AGBL1: variants seen among roughly 807,000 people sequenced by gnomAD.
AGBL1 encodes the protein AGBL carboxypeptidase 1.
Under a neutral mutation model 118.9 loss-of-function variants are expected in AGBL1, and 130 were observed. That is an observed-to-expected ratio of 1.09 (90% CI 0.95 to 1.26). The LOEUF is 1.26. AGBL1 is among the 50% of genes most tolerant of loss of function. The pLI is 0.00. For synonymous variants in AGBL1, 555 were observed against 478.9 expected, an observed-to-expected ratio of 1.16 and a Z score of -2.08; for missense variants, 1,584 against 1,298.1, an observed-to-expected ratio of 1.22 and a Z score of -3.38.
chr15:86,254,636 C>T (rs1466897222), intron 7 of AGBL1, among the ~76,000 whole-genome samples: 2 of 152,178 alleles, frequency 1.3e-5, no homozygotes, highest in African/African-American at 4.8e-5. Flanking sequence ...TCTCACCTTT[C>T]CCTCCAATTC....
chr15:86,941,595 T>A (rs544660358), intron 23 of AGBL1, among the ~76,000 whole-genome samples: 72 of 152,274 alleles, frequency 4.7e-4, no homozygotes, highest in Non-Finnish European at 7.5e-4. Flanking sequence ...TATATAGAGA[T>A]AATATACGTA....
intron 17 of AGBL1, among the ~76,000 whole-genome samples, chr15:86,321,656 A>C (rs926411699): frequency 6.6e-6 from 1 of 152,046 alleles, no homozygotes; most frequent in Non-Finnish European, 1.5e-5. Flanking sequence ...GGATGCCTGT[A>C]ATCCCAGATA....
At chr15:86,081,362 A>T in intron 1 of AGBL1, among the ~76,000 whole-genome samples, 1 of 152,252 alleles carries the variant, frequency 6.6e-6, no homozygotes, top group South Asian at 2.1e-4. Context: ...ATTCTTAAGA[A>T]GATTTGTATT....
At chr15:86,373,785 C>A (rs2141948238) in intron 17 of AGBL1, among the ~76,000 whole-genome samples, 1 of 152,344 alleles carries the variant, frequency 6.6e-6, no homozygotes, top group Middle Eastern at 3.4e-3. Flanking sequence ...GTGCTATTTA[C>A]AAGGAGTTTC....
At chr15:86,623,511 TTC>T (rs1256630760) in intron 21 of AGBL1, among the ~76,000 whole-genome samples, 1 of 152,222 alleles carries the variant, frequency 6.6e-6, no homozygotes, top group Non-Finnish European at 1.5e-5. Context: ...TCTACTGCCA[TTC>T]TCTTTGTTCA....
intron 1 of AGBL1, among the ~76,000 whole-genome samples, chr15:86,124,345 AAAC>A (rs1359023345): frequency 6.6e-4 from 100 of 151,456 alleles, no homozygotes; most frequent in African/African-American, 2.3e-3. Flanking sequence ...AAAAAAAAAA[AAAC>A]AAAGAAAACC....
chr15:86,153,777 A>T (rs1269685246), intron 3 of AGBL1, among the ~76,000 whole-genome samples: 1 of 152,204 alleles, frequency 6.6e-6, no homozygotes, highest in East Asian at 1.9e-4. Context: ...CCTAAAACTT[A>T]GTTCTAACCA....
upstream of AGBL1, chr15:86,079,780 G>C (rs183603058): frequency 2.5e-4 from 99 of 391,934 alleles, 1 homozygote; most frequent in Middle Eastern, 1.3e-3. Flanking sequence ...CCCACAGTGG[G>C]AGTCGGTGGG....
chr15:86,270,806 A>C (rs2079148103), intron 14 of AGBL1, among the ~76,000 whole-genome samples: 1 of 152,206 alleles, frequency 6.6e-6, no homozygotes, highest in South Asian at 2.1e-4. Flanking sequence ...AAAACAAGAC[A>C]AATCTGTTCT....
intron 22 of AGBL1, among the ~76,000 whole-genome samples, chr15:86,779,580 C>T (rs971157113): frequency 1.3e-5 from 2 of 152,018 alleles, no homozygotes; most frequent in Non-Finnish European, 2.9e-5. Flanking sequence ...TAAGTGTGGG[C>T]TTAATGAGTC....
intron 18 of AGBL1, among the ~76,000 whole-genome samples, chr15:86,500,660 T>G (rs1483247281): frequency 3.3e-5 from 5 of 151,726 alleles, no homozygotes; most frequent in African/African-American, 4.8e-5. Context: ...CCTGTTTTCC[T>G]CTCCTCTCAG....
chr15:86,219,880 A>G (rs1344442699), intron 5 of AGBL1, among the ~76,000 whole-genome samples: 1 of 150,986 alleles, frequency 6.6e-6, no homozygotes, highest in African/African-American at 2.4e-5. Context: ...TTAAAAGTAG[A>G]GAGAAGACTT....
intron 21 of AGBL1, among the ~76,000 whole-genome samples, chr15:86,592,306 C>A (rs1458603525): frequency 6.6e-6 from 1 of 152,142 alleles, no homozygotes; most frequent in Non-Finnish European, 1.5e-5. Context: ...CAGAAAAAAA[C>A]GAATTCAGCC....
chr15:86,994,556 A>T (rs1204814936), intron 24 of AGBL1, among the ~76,000 whole-genome samples: 1 of 152,156 alleles, frequency 6.6e-6, no homozygotes, highest in Non-Finnish European at 1.5e-5. Flanking sequence ...TAGGTTAATG[A>T]TTTTACAGAT....
chr15:86,818,464 A>AATGCCTG (rs2078896094), intron 22 of AGBL1, among the ~76,000 whole-genome samples: 1 of 152,306 alleles, frequency 6.6e-6, no homozygotes, highest in East Asian at 1.9e-4. Flanking sequence ...CCTAATGCCT[A>AATGCCTG]ATGATCTGAG....
intron 18 of AGBL1, among the ~76,000 whole-genome samples, chr15:86,416,163 G>A (rs940736678): frequency 6.6e-6 from 1 of 152,122 alleles, no homozygotes; most frequent in Non-Finnish European, 1.5e-5. Context: ...TCCAGGCCAA[G>A]ATGTAATTTG....
At chr15:86,371,483 A>C (rs561040777) in intron 17 of AGBL1, among the ~76,000 whole-genome samples, 2 of 152,304 alleles carry the variant, frequency 1.3e-5, no homozygotes, top group East Asian at 3.9e-4. Context: ...TTTATTATAT[A>C]TAGTTATACA....
intron 6 of AGBL1, among the ~76,000 whole-genome samples, chr15:86,241,732 A>G (rs926225437): frequency 6.6e-5 from 10 of 152,214 alleles, no homozygotes; most frequent in African/African-American, 1.9e-4. Flanking sequence ...TCTTAATACT[A>G]TCACATTGAC....
At chr15:86,768,123 T>G (rs560789796) in intron 22 of AGBL1, among the ~76,000 whole-genome samples, 1 of 152,026 alleles carries the variant, frequency 6.6e-6, no homozygotes, top group Non-Finnish European at 1.5e-5. Context: ...ATCTAGTCAA[T>G]GTGGGAACAT....
Sources: allele counts gnomAD v4.1 joint callset (sites outside exome capture counted in the v4.1 genomes callset), GRCh38; gene constraint gnomAD v4.1.1; transcripts MANE v1.5; gene names NCBI Gene and HGNC (gene_info 2026-07-23, HGNC 2026-07-21).